The following SMARCA4 variants were observed in gnomAD, a reference collection of about 807,000 sequenced individuals.
SMARCA4 encodes the protein SWI/SNF-related matrix-associated actin-dependent regulator of chromatin subfamily A member 4.
A neutral mutation model predicts 193.9 loss-of-function variants in SMARCA4; 31 were observed. The ratio of observed to expected loss-of-function variants is 0.16; its 90% CI spans 0.12 to 0.22. The LOEUF is 0.22. Among genes scored for constraint, SMARCA4 ranks in the 10% least tolerant of loss-of-function variants. SMARCA4 has a pLI of 1.00. For synonymous variants in SMARCA4, 942 were observed against 933.1 expected (o/e 1.01, Z -0.17); for missense variants, 1,148 against 2,296.0 (o/e 0.50, Z 10.22).
chr19:11,060,181 AGAG>A lies in SMARCA4; in HGVS notation c.4910_4911+1del, dbSNP rs745740277. The A allele has an allele frequency of 7.7e-6, 12 of 1,550,942 alleles. No individual in the cohort carries two copies. The highest frequency in any genetic ancestry group is 1.0e-5 in the Non-Finnish European group (12 of 1,146,672). ...GTGACGATGACAGTGAGGAGGAACAAGAGGAGGTGAGGCCGGGCCCCCGAGCAG... is the reference window on the plus strand; with the variant it reads ...GTGACGATGACAGTGAGGAGGAACAAGAGGTGAGGCCGGGCCCCCGAGCAG... On this transcript the variant is annotated inframe_deletion, in exon 34 of 35. Transcript: ENST00000344626.
At chr19:10,993,558 A>G (rs185275602) in intron 8 of SMARCA4, among the ~76,000 whole-genome samples, 50 of 152,298 alleles carry the variant, frequency 3.3e-4, no homozygotes, top group African/African-American at 1.2e-3. Context: ...GACATTTCAC[A>G]TCCGTGCCAT....
At chr19:11,005,195 A>C (rs189610595) in intron 13 of SMARCA4, among the ~76,000 whole-genome samples, 48 of 152,176 alleles carry the variant, frequency 3.2e-4, no homozygotes, top group Non-Finnish European at 5.3e-4. Flanking sequence ...GCTACCCTGG[A>C]GTCTGACTTT....
chr19:11,004,185 T>C (rs543617763), intron 13 of SMARCA4, among the ~76,000 whole-genome samples: 35 of 151,782 alleles, frequency 2.3e-4, no homozygotes, highest in African/African-American at 8.0e-4. Flanking sequence ...CCTGGCTAAT[T>C]TTTGTATTTT....
intron 30 of SMARCA4, among the ~76,000 whole-genome samples, chr19:11,047,365 G>T (rs1008569055): frequency 1.3e-5 from 2 of 151,558 alleles, no homozygotes; most frequent in African/African-American, 4.9e-5. Context: ...TCCCGGTGAC[G>T]TTGACACAGA....
At chr19:10,999,737 G>A (rs945869868) in intron 11 of SMARCA4, among the ~76,000 whole-genome samples, 5 of 152,092 alleles carry the variant, frequency 3.3e-5, no homozygotes, top group Admixed American at 2.0e-4. Flanking sequence ...TATCCTTTCC[G>A]CCTTTCCATA....
At chr19:11,026,685 G>A (rs2090286237) in intron 23 of SMARCA4, among the ~76,000 whole-genome samples, 1 of 152,100 alleles carries the variant, frequency 6.6e-6, no homozygotes, top group Non-Finnish European at 1.5e-5. Flanking sequence ...TTTTAGTAGA[G>A]ATGGGGTTTC....
intron 18 of SMARCA4, 185 bp from the exon 19 acceptor site, chr19:11,021,540 G>C (rs981579442): frequency 2.7e-6 from 2 of 747,494 alleles, no homozygotes; most frequent in Non-Finnish European, 4.7e-6. Flanking sequence ...CTTGCAAGAG[G>C]CTACGTTGTG....
At position 10,986,557 on chromosome 19, in the gene SMARCA4, C is replaced by T. The variant is rs1555753773; in HGVS notation, c.724C>T (p.Pro242Ser). 1 of 1,538,088 alleles carries T rather than the reference C, an allele frequency of 6.5e-7. No homozygotes were observed. Among genetic ancestry groups the T allele is most frequent in the African/African-American group, 1.4e-5 (1 of 72,986 alleles). The change falls in exon 4 of 35, where the codon CCC becomes TCC. Residue 242 changes from proline to serine, a missense_variant. Pro to Ser is a moderately conservative substitution (Grantham distance 74, BLOSUM62 -1). Transcript: ENST00000344626. This position sits in a 1 kb window ranked among gnomAD's most constrained non-coding sequence, Gnocchi z 6.7. ...PGPGPGPGPGPGPAPPNYSRP... is the reference protein window; with the variant it reads ...PGPGPGPGPGSGPAPPNYSRP... Reference sequence around the variant, plus strand: ...CCCTGGCCCTGGCCCCGGCCCGGGTCCCGGCCCGGCACCTCCAAATTACAG... The same window carrying T: ...CCCTGGCCCTGGCCCCGGCCCGGGTTCCGGCCCGGCACCTCCAAATTACAG...
intron 30 of SMARCA4, among the ~76,000 whole-genome samples, chr19:11,046,116 G>A (rs903273706): frequency 7.2e-5 from 11 of 151,920 alleles, no homozygotes; most frequent in South Asian, 2.1e-4. Context: ...CCAGATACTC[G>A]AGAGGCTGAG....
chr19:11,060,891 G>A (rs935128227), intron 34 of SMARCA4, among the ~76,000 whole-genome samples: 2 of 152,198 alleles, frequency 1.3e-5, no homozygotes, highest in African/African-American at 4.8e-5. Flanking sequence ...AAAGACGCAC[G>A]TGACGTTTGA....
Position 10,987,623 on chromosome 19 carries a change from C to T in SMARCA4, c.860-43C>T, listed in dbSNP as rs1260673349. The T allele has an allele frequency of 1.2e-6, 2 of 1,611,214 alleles. No individual in the cohort carries two copies. The highest frequency in any genetic ancestry group is 2.7e-5 in the African/African-American group (2 of 74,860). ...TTTCCATTTCCAGCCCGGGATGGGC[C>T]CCAGAGCTCAACATGACGCCCTGGC... is the stretch of plus-strand genomic sequence containing the variant. On this transcript the variant is annotated intron_variant, in intron 5 of 34. Coordinates refer to ENST00000344626, the MANE Select transcript of SMARCA4 (RefSeq NM_003072.5). This position sits in a 1 kb window ranked among gnomAD's most constrained non-coding sequence, Gnocchi z 5.3.
chr19:11,026,838 A>G (rs190746425), intron 23 of SMARCA4, among the ~76,000 whole-genome samples: 2 of 152,286 alleles, frequency 1.3e-5, no homozygotes, highest in Admixed American at 6.5e-5. Context: ...GCTGACCACT[A>G]TTAACCCCAA....
chr19:11,020,764 C>T (rs2089793872), intron 18 of SMARCA4: 1 of 152,046 alleles, frequency 6.6e-6, no homozygotes, highest in Non-Finnish European at 1.5e-5. Context: ...GGTGGCTCCG[C>T]CTCTCAGTGC....
rs2145745263 is a variant in SMARCA4 at position 10,985,216 on chromosome 19, G to A, written c.223-57G>A. Reference sequence around the variant, plus strand: ...AGCTTCTCTCGGGCAGCGCATAGCTGCGCTGCCACCTCACGTTCCACATGC... The same window carrying A: ...AGCTTCTCTCGGGCAGCGCATAGCTACGCTGCCACCTCACGTTCCACATGC... On this transcript the variant is annotated intron_variant, in intron 2 of 34. Transcript: ENST00000344626. The surrounding 1 kb of genome is among the most constrained non-coding windows in gnomAD (Gnocchi z 4.5). The A allele has an allele frequency of 6.2e-7, 1 of 1,605,036 alleles. No individual in the cohort carries two copies. Among genetic ancestry groups the A allele is most frequent in the Non-Finnish European group, 8.5e-7 (1 of 1,172,596 alleles).
chr19:11,001,450 A>G (rs1487583809), intron 11 of SMARCA4, among the ~76,000 whole-genome samples: 2 of 152,172 alleles, frequency 1.3e-5, no homozygotes, highest in African/African-American at 4.8e-5. Flanking sequence ...GCCCGTCTCC[A>G]AAAAATAAAA....
Position 11,034,937 on chromosome 19 carries a change from C to T in SMARCA4, c.3975C>T (p.Arg1325=), listed in dbSNP as rs144803359. The change falls in exon 29 of 35, where the codon CGC becomes CGT. Residue 1325 remains arginine, a synonymous_variant. Transcript: ENST00000344626. The surrounding 1 kb of genome is among the most constrained non-coding windows in gnomAD (Gnocchi z 7.0). ...AGCGCATGGACCTGGACCGCAGGCG[C>T]GAGGAGGCCCGCAACCCCAAGCGGA... ...LFMRMDLDRR[R]EEARNPKRKP... 198 of 1,578,682 alleles carry T rather than the reference C, an allele frequency of 1.3e-4. No homozygotes were observed. The highest frequency in any genetic ancestry group is 6.0e-4 in the Middle Eastern group (3 of 5,020).
rs148641515 is a variant in SMARCA4 at position 11,018,425 on chromosome 19, G to A, written c.2439-532G>A. On this transcript the variant is annotated intron_variant, in intron 16 of 34. Transcript: ENST00000344626. ...CACAGGGGAACAGCCACGAGTTGCC[G>A]CTCCCTCCCATCCCTGTCCTCCCGC... is the stretch of plus-strand genomic sequence containing the variant. The A allele has an allele frequency of 4.0e-4, 105 of 259,476 alleles. 2 individuals carry two copies. In the East Asian group the frequency reaches 8.6e-3, roughly 21 times the overall value. The allele number at this position is 259,476 out of a possible 1,614,324, so 16.1% of individuals were successfully genotyped here. A position where few individuals can be genotyped will look rare whatever the true frequency, so the allele number is the denominator to read the frequency against.
intron 1 of SMARCA4, among the ~76,000 whole-genome samples, chr19:10,975,375 G>A (rs1469246101): frequency 2.7e-5 from 4 of 147,848 alleles, no homozygotes; most frequent in Admixed American, 6.8e-5. Context: ...GCAGTGGCGC[G>A]ATCTTGGCTC....
rs189081448 is a variant in SMARCA4 at position 11,024,751 on chromosome 19, G to C, written c.3081+313G>C. Among the ~76,000 whole-genome samples the C allele has an allele frequency of 6.6e-5, 10 of 152,116 alleles. No homozygotes were observed. In the East Asian group the frequency reaches 1.7e-3, roughly 27 times the overall value. On this transcript the variant is annotated intron_variant, in intron 21 of 34. Coordinates refer to ENST00000344626, the MANE Select transcript of SMARCA4 (RefSeq NM_003072.5). Reference sequence around the variant, plus strand: ...TGTTATTAAGTGAAAGGAAGGGAGCGGGCTGTCTCCTGCAGGGGCTGCTCT... The same window carrying C: ...TGTTATTAAGTGAAAGGAAGGGAGCCGGCTGTCTCCTGCAGGGGCTGCTCT...
Sources: allele counts gnomAD v4.1 joint callset (sites outside exome capture counted in the v4.1 genomes callset), GRCh38; gene constraint gnomAD v4.1.1; non-coding constraint Gnocchi (gnomAD v3.1); transcripts MANE v1.5; gene names NCBI Gene and HGNC (gene_info 2026-07-23, HGNC 2026-07-21).